ETV1: variants seen among roughly 807,000 people sequenced by gnomAD.
ETV1 encodes ETS translocation variant 1.
A neutral mutation model predicts 62.3 loss-of-function variants in ETV1; 27 were observed. The ratio of observed to expected loss-of-function variants is 0.43; its 90% CI spans 0.32 to 0.60. The LOEUF (loss-of-function observed/expected upper bound fraction) is 0.60. ETV1 is among the 20% of genes least tolerant of loss of function. The pLI is 0.06. For missense variants in ETV1, 605 were observed against 605.8 expected, an observed-to-expected ratio of 1.00 and a Z score of 0.01; for synonymous variants, 222 against 199.6, an observed-to-expected ratio of 1.11 and a Z score of -0.94.
intron 13 of ETV1, chr7:13,900,463 T>C: frequency 6.1e-6 from 2 of 326,710 alleles, no homozygotes; most frequent in Middle Eastern, 1.6e-3. Context: ...ACAGATGTGC[T>C]ATTAATACTA....
chr7:13,913,642 G>C (rs1287127152), intron 9 of ETV1, among the ~76,000 whole-genome samples: 1 of 151,916 alleles, frequency 6.6e-6, no homozygotes, highest in African/African-American at 2.4e-5. Context: ...TTTAACCACA[G>C]TACTTAAAAC....
chr7:13,954,233 T>C (rs1359735637), intron 6 of ETV1, among the ~76,000 whole-genome samples: 1 of 152,228 alleles, frequency 6.6e-6, no homozygotes, highest in Non-Finnish European at 1.5e-5. Context: ...ATAAAATAAG[T>C]AATCAGTGAT....
rs187994935 is a variant in ETV1, at chr7:13,974,474, G to C, written c.235+2953C>G. Among the ~76,000 whole-genome samples the C allele has an allele frequency of 3.1e-3, 471 of 152,324 alleles. 5 individuals carry two copies. Among genetic ancestry groups the C allele is most frequent in the African/African-American group, 0.011 (443 of 41,564 alleles). Reference sequence around the variant, plus strand: ...AGAAAAGTAACAAGGCCAAATAGCTGTGTGTTAATGCTATTGCACAGGGTG... The same window carrying C: ...AGAAAAGTAACAAGGCCAAATAGCTCTGTGTTAATGCTATTGCACAGGGTG... On this transcript the variant is annotated intron_variant, in intron 6 of 13. Transcript: ENST00000430479.
chr7:13,912,780 T>C (rs1400397166), intron 9 of ETV1, among the ~76,000 whole-genome samples: 1 of 152,096 alleles, frequency 6.6e-6, no homozygotes, highest in Non-Finnish European at 1.5e-5. Context: ...CCTGAAAAAA[T>C]ATGGCTAAGG....
intron 12 of ETV1, among the ~76,000 whole-genome samples, chr7:13,901,413 C>T (rs977423836): frequency 1.3e-5 from 2 of 152,172 alleles, no homozygotes; most frequent in African/African-American, 4.8e-5. Context: ...AGGAAATGTT[C>T]TTACAACAGG....
chr7:13,924,420 A>G (rs1785187232), intron 9 of ETV1, among the ~76,000 whole-genome samples: 2 of 152,234 alleles, frequency 1.3e-5, no homozygotes, highest in Non-Finnish European at 2.9e-5. Context: ...TGCTCGTGGT[A>G]TATTTTTTAA....
At chr7:13,948,617 G>C (rs918154335) in intron 6 of ETV1, among the ~76,000 whole-genome samples, 1 of 152,058 alleles carries the variant, frequency 6.6e-6, no homozygotes, top group East Asian at 1.9e-4. Context: ...ATTCATTTCG[G>C]TCTAGTCTAG....
intron 12 of ETV1, among the ~76,000 whole-genome samples, chr7:13,904,323 T>C (rs1782738012): frequency 6.6e-6 from 1 of 152,212 alleles, no homozygotes; most frequent in Admixed American, 6.5e-5. Context: ...CCAGCCTCTT[T>C]TTAACTTTAT....
Position 13,989,110 on chromosome 7 carries a change from G to C in ETV1, c.-58C>G, listed in dbSNP as rs1782829404. 1.0e-5 allele frequency: 15 copies of C among 1,452,436 alleles called. No homozygotes were observed. In the Admixed American group the frequency reaches 2.9e-4, roughly 28 times the overall value. 90.0% of individuals were successfully genotyped at this position (1,452,436 alleles called of 1,614,324 possible). A position where few individuals can be genotyped will look rare whatever the true frequency, so the allele number is the denominator to read the frequency against. ...TTTATATTTTGAGCATTTAGCTGGAGATTTCCTCAGGATCTGGACTTCTAT... is the reference window on the plus strand; with the variant it reads ...TTTATATTTTGAGCATTTAGCTGGACATTTCCTCAGGATCTGGACTTCTAT... On this transcript the variant is annotated 5_prime_UTR_variant, in exon 3 of 14. In the 5' UTR this introduces an upstream ATG that the reference lacks. Transcript: ENST00000430479.
intron 6 of ETV1, among the ~76,000 whole-genome samples, chr7:13,948,226 T>C (rs1043936967): frequency 7.2e-5 from 11 of 152,208 alleles, no homozygotes; most frequent in African/African-American, 2.2e-4. Flanking sequence ...TCTCCTTCTA[T>C]ATGTGGACAG....
chr7:13,947,463 A>C (rs1583750342), intron 6 of ETV1, among the ~76,000 whole-genome samples: 1 of 152,124 alleles, frequency 6.6e-6, no homozygotes, highest in East Asian at 1.9e-4. Context: ...CCCATACTCT[A>C]TTTGATTCTC....
In ETV1 at chr7:13,959,882, C is replaced by T. The variant is rs1157800843; in HGVS notation, c.235+17545G>A. Among the ~76,000 whole-genome samples, 114 of 56,724 alleles carry T rather than the reference C, an allele frequency of 2.0e-3. 1 individual carries two copies. Among genetic ancestry groups the T allele is most frequent in the Admixed American group, 0.016 (59 of 3,658 alleles). 37.2% of individuals were successfully genotyped at this position (56,724 alleles called of 152,430 possible). On this transcript the variant is annotated intron_variant, in intron 6 of 13. Transcript: ENST00000430479. Reference sequence around the variant, plus strand: ...TGGGCAACAGAGTGAGATTCTGTCTCAAAAAAAAAAAAAAAAAAAAAAAAA... The same window carrying T: ...TGGGCAACAGAGTGAGATTCTGTCTTAAAAAAAAAAAAAAAAAAAAAAAAA...
chr7:13,946,410 G>C (rs1485748061), intron 6 of ETV1, among the ~76,000 whole-genome samples: 1 of 152,112 alleles, frequency 6.6e-6, no homozygotes, highest in Non-Finnish European at 1.5e-5. Flanking sequence ...TTAAATTTAA[G>C]AGCTCCAAAA....
chr7:13,907,400 G>T (rs1450569500), intron 11 of ETV1, among the ~76,000 whole-genome samples: 1 of 152,018 alleles, frequency 6.6e-6, no homozygotes, highest in African/African-American at 2.4e-5. Flanking sequence ...ATTTCTGTAA[G>T]TATGTATTTT....
chr7:13,925,260 C>T (rs1243767623), intron 9 of ETV1, among the ~76,000 whole-genome samples: 3 of 152,110 alleles, frequency 2.0e-5, no homozygotes, highest in Non-Finnish European at 2.9e-5. Context: ...GTCTTCAGGG[C>T]TAAAAACACC....
At position 13,989,361 on chromosome 7, in the gene ETV1, C is replaced by A. The variant is rs1424455749; in HGVS notation, c.-181G>T. On this transcript the variant is annotated 5_prime_UTR_variant, in exon 2 of 14. Coordinates refer to ENST00000430479, the MANE Select transcript of ETV1 (RefSeq NM_004956.5). The stretch of plus-strand genomic sequence containing the variant: ...GAGGCGATGTATTTATTTACACTCT[C>A]GATGTTTCCCTGCGCGGTCGGTGTA... 1.4e-5 allele frequency: 7 copies of A among 483,776 alleles called. No individual in the cohort carries two copies. Among genetic ancestry groups the A allele is most frequent in the Admixed American group, 1.2e-4 (3 of 25,664 alleles). 30.0% of individuals were successfully genotyped at this position (483,776 alleles called of 1,614,324 possible).
intron 6 of ETV1, among the ~76,000 whole-genome samples, chr7:13,972,655 T>G (rs563875153): frequency 6.6e-6 from 1 of 152,352 alleles, no homozygotes; most frequent in South Asian, 2.1e-4. Flanking sequence ...ACAGAGTGTC[T>G]GAGATATGAA....
At chr7:13,907,305 T>C (rs1337727703) in intron 11 of ETV1, among the ~76,000 whole-genome samples, 1 of 152,168 alleles carries the variant, frequency 6.6e-6, no homozygotes, top group East Asian at 1.9e-4. Context: ...CATTTTTCTT[T>C]ATCTCTTGCT....
chr7:13,909,188 G>GTTGTTCCT (rs888844599), intron 11 of ETV1, among the ~76,000 whole-genome samples: 1 of 149,754 alleles, frequency 6.7e-6, no homozygotes, highest in African/African-American at 2.5e-5. Context: ...GGGCAGTTAT[G>GTTGTTCCT]TTGTTCCTGT....
Sources: gnomAD v4.1 joint callset for allele counts (sites outside exome capture counted in the v4.1 genomes callset) on GRCh38, gnomAD v4.1.1 for gene constraint, MANE v1.5 for transcripts, NCBI Gene and HGNC (gene_info 2026-07-23, HGNC 2026-07-21) for gene names.